The following ADAM12 variants were observed in gnomAD, a reference collection of about 807,000 sequenced individuals.
ADAM12 encodes the protein ADAM metallopeptidase domain 12.
ADAM12 carries 70 observed loss-of-function variants against 106.4 expected under a neutral mutation model. The ratio of observed to expected loss-of-function variants is 0.66; its 90% confidence interval spans 0.54 to 0.80. ADAM12 has a LOEUF of 0.80. Ranked by LOEUF, ADAM12 falls within the 30% of genes least tolerant of loss-of-function variation. The probability of loss-of-function intolerance (pLI) is 0.00; values close to 1 mark genes in which losing one functional copy is unlikely to be tolerated. For missense variants in ADAM12, 1,010 were observed against 1,171.9 expected, an observed-to-expected ratio of 0.86 and a Z score of 2.02; for synonymous variants, 420 against 433.5, an observed-to-expected ratio of 0.97 and a Z score of 0.39.
At chr10:126,312,533 G>T (rs896451393) in intron 2 of ADAM12, among the ~76,000 whole-genome samples, 1 of 152,102 alleles carries the variant, frequency 6.6e-6, no homozygotes, top group African/African-American at 2.4e-5. Flanking sequence ...GATGCCGTGT[G>T]GTCAGTGGAG....
intron 1 of ADAM12, among the ~76,000 whole-genome samples, chr10:126,379,224 A>G (rs1294163778): frequency 6.6e-6 from 1 of 152,228 alleles, no homozygotes; most frequent in Admixed American, 6.5e-5. Flanking sequence ...TCATTCCACT[A>G]TAAAGACACA....
rs543663784 is a variant in ADAM12 at position 126,014,809 on chromosome 10, A to G, written c.*2470T>C. The G allele has an allele frequency of 6.7e-6, 1 of 150,008 alleles. No homozygotes were observed. The highest frequency in any genetic ancestry group is 2.0e-4 in the East Asian group (1 of 5,004). 9.3% of individuals were successfully genotyped at this position (150,008 alleles called of 1,614,324 possible). ...GCCCTACAAAACTCAAACCACCTCT[A>G]TTATTCATGCCTATACAGTCTTTTA... On this transcript the variant is annotated 3_prime_UTR_variant, in exon 23 of 23. Transcript: ENST00000448723.
intron 3 of ADAM12, among the ~76,000 whole-genome samples, chr10:126,257,520 A>G (rs1958916667): frequency 6.6e-6 from 1 of 152,236 alleles, no homozygotes; most frequent in Non-Finnish European, 1.5e-5. Context: ...GAAAGTGGTC[A>G]TGCATTTCTA....
chr10:126,064,828 C>T lies in ADAM12; in HGVS notation c.1587G>A (p.Gln529=), dbSNP rs752709732. ...YNGICQTHEQ[Q]CVTLWGPGAK... ...TACCTGGTCCCCAGAGCGTGACACACTGCTGCTCGTGAGTCTGGCAGATGC... is the reference window on the plus strand; with the variant it reads ...TACCTGGTCCCCAGAGCGTGACACATTGCTGCTCGTGAGTCTGGCAGATGC... The change falls in exon 14 of 23, where the codon CAG becomes CAA. Residue 529 remains glutamine (Q), a synonymous_variant. Transcript: ENST00000448723. The surrounding 1 kb of genome is among the most constrained non-coding windows in gnomAD (Gnocchi z 4.4). The T allele has an allele frequency of 1.9e-6, 3 of 1,609,274 alleles. No homozygotes were observed. The highest frequency in any genetic ancestry group is 2.5e-6 in the Non-Finnish European group (3 of 1,177,956).
intron 5 of ADAM12, among the ~76,000 whole-genome samples, chr10:126,130,428 A>G (rs1239642521): frequency 6.6e-6 from 1 of 152,160 alleles, no homozygotes; most frequent in Non-Finnish European, 1.5e-5. Flanking sequence ...AGACCCACAC[A>G]GCGTTCCTCA....
intron 3 of ADAM12, among the ~76,000 whole-genome samples, chr10:126,161,110 T>C (rs1048123825): frequency 3.5e-5 from 3 of 85,048 alleles, no homozygotes; most frequent in Admixed American, 1.5e-4. Context: ...TCTCCTTACT[T>C]ATTTATCTCT....
At chr10:126,100,932 G>C in intron 9 of ADAM12, 140 bp downstream of exon 9, 1 of 832,076 alleles carries the variant, frequency 1.2e-6, no homozygotes, top group South Asian at 2.0e-5. Context: ...CTGCCCCCCT[G>C]GTGTGAGCTG....
chr10:126,302,098 G>T (rs1483097692), intron 2 of ADAM12, among the ~76,000 whole-genome samples: 1 of 152,066 alleles, frequency 6.6e-6, no homozygotes, highest in Non-Finnish European at 1.5e-5. Context: ...GGATTCTCAG[G>T]GTCATCCAAT....
At chr10:126,308,294 A>C (rs1453590422) in intron 2 of ADAM12, among the ~76,000 whole-genome samples, 5 of 152,220 alleles carry the variant, frequency 3.3e-5, no homozygotes, top group African/African-American at 1.2e-4. Flanking sequence ...TTGGGCAGGA[A>C]ACATGACATG....
chr10:126,204,650 T>C (rs1049737581), intron 3 of ADAM12, among the ~76,000 whole-genome samples: 2 of 152,198 alleles, frequency 1.3e-5, no homozygotes, highest in Non-Finnish European at 2.9e-5. Flanking sequence ...GTTCATAAAT[T>C]GTTAAGAATT....
At chr10:126,068,561 C>T (rs769205835) in intron 12 of ADAM12, among the ~76,000 whole-genome samples, 4 of 152,202 alleles carry the variant, frequency 2.6e-5, no homozygotes, top group Non-Finnish European at 5.9e-5. Context: ...AGGCTGCTTT[C>T]CCAATCCTGT....
chr10:126,297,332 C>T (rs1009953846), intron 2 of ADAM12, among the ~76,000 whole-genome samples: 1 of 152,192 alleles, frequency 6.6e-6, no homozygotes, highest in Non-Finnish European at 1.5e-5. Context: ...CACTTGATGA[C>T]AGCAATTCGA....
intron 1 of ADAM12, among the ~76,000 whole-genome samples, chr10:126,360,496 C>T (rs1471820026): frequency 3.9e-5 from 6 of 152,148 alleles, no homozygotes; most frequent in African/African-American, 9.7e-5. Context: ...GTTCAAAGTT[C>T]CACAAATCTC....
At chr10:126,352,656 A>G (rs1169328327) in intron 1 of ADAM12, among the ~76,000 whole-genome samples, 1 of 152,160 alleles carries the variant, frequency 6.6e-6, no homozygotes, top group Non-Finnish European at 1.5e-5. Flanking sequence ...TTGACAGTTT[A>G]CAAAGTGTTT....
At chr10:126,259,800 G>A (rs548988815) in intron 3 of ADAM12, among the ~76,000 whole-genome samples, 22 of 152,284 alleles carry the variant, frequency 1.4e-4, no homozygotes, top group African/African-American at 9.6e-5. Flanking sequence ...GCTCAGTAAG[G>A]TTTGGTGGGC....
intron 21 of ADAM12, among the ~76,000 whole-genome samples, chr10:126,035,661 TA>T (rs1209019180): frequency 6.6e-6 from 1 of 152,284 alleles, no homozygotes; most frequent in African/African-American, 2.4e-5. Context: ...AAAAACAGCA[TA>T]AAAATGAGAT....
At chr10:126,131,116 T>G (rs986439172) in intron 5 of ADAM12, among the ~76,000 whole-genome samples, 1 of 26,588 alleles carries the variant, frequency 3.8e-5, no homozygotes, top group Admixed American at 4.1e-4. Flanking sequence ...TTTTTTTTTT[T>G]TTTTTTTTTT....
intron 3 of ADAM12, among the ~76,000 whole-genome samples, chr10:126,183,317 T>C (rs1409681563): frequency 6.6e-6 from 1 of 152,126 alleles, no homozygotes; most frequent in Admixed American, 6.5e-5. Context: ...AACCACCCCC[T>C]CAACCCCATT....
At chr10:126,278,082 C>T (rs1224307387) in intron 3 of ADAM12, among the ~76,000 whole-genome samples, 1 of 152,140 alleles carries the variant, frequency 6.6e-6, no homozygotes, top group African/African-American at 2.4e-5. Flanking sequence ...CACCATCCTG[C>T]TGATGGGTGA....
Sources: allele counts gnomAD v4.1 joint callset (sites outside exome capture counted in the v4.1 genomes callset), GRCh38; gene constraint gnomAD v4.1.1; non-coding constraint Gnocchi (gnomAD v3.1); transcripts MANE v1.5; gene names NCBI Gene and HGNC (gene_info 2026-07-23, HGNC 2026-07-21).